The following MUC5B variants were observed in gnomAD, a reference collection of about 807,000 sequenced individuals.
MUC5B encodes the protein mucin 5B, oligomeric mucus/gel-forming, also known as mucin-5B.
In MUC5B, 116 loss-of-function variants were observed where a neutral mutation model predicts 376.9. The ratio of observed to expected loss-of-function variants is 0.31; its 90% confidence interval spans 0.26 to 0.36. The LOEUF (loss-of-function observed/expected upper bound fraction) is 0.36. Among genes scored for constraint, MUC5B ranks in the 10% least tolerant of loss-of-function variants. MUC5B has a pLI of 1.00. For synonymous variants in MUC5B, 3,517 were observed against 3,390.9 expected, an observed-to-expected ratio of 1.04 and a Z score of -1.29; for missense variants, 7,165 against 7,769.9, an observed-to-expected ratio of 0.92 and a Z score of 2.93.
rs367866719 is a variant in MUC5B at position 1,248,348 on chromosome 11, C to T, written c.11468C>T (p.Thr3823Ile). Residue 3823 changes from threonine (T) to isoleucine (I), a missense_variant, in exon 31 of 49, where the codon ACA becomes ATA. By Grantham distance (89) the Thr-to-Ile change is moderately conservative. Around this residue, in one of 31 missense-constraint regions of MUC5B, gnomAD observed 242 missense variants for 199.0 expected, o/e 1.22. Coordinates refer to ENST00000529681, the MANE Select transcript of MUC5B (RefSeq NM_002458.3). ...TTPTATMSTA[T>I]PSSTPETAHT... ...CCCACGGCCACCATGTCCACAGCCA[C>T]ACCCTCCTCCACTCCAGAGACTGCC... The T allele has an allele frequency of 2.5e-6, 4 of 1,612,654 alleles. No individual in the cohort carries two copies. In the South Asian group the frequency reaches 4.4e-5, roughly 18 times the overall value.
rs1414974983 is a variant in MUC5B, at chr11:1,253,013, G to A, written c.15217+33G>A. 1.2e-6 allele frequency: 2 copies of A among 1,611,514 alleles called. No homozygotes were observed. Among genetic ancestry groups the A allele is most frequent in the South Asian group, 1.1e-5 (1 of 90,984 alleles). On this transcript the variant is annotated intron_variant, in intron 33 of 48. Transcript: ENST00000529681. The surrounding 1 kb of genome is among the most constrained non-coding windows in gnomAD (Gnocchi z 4.3). ...CGTCGGTGGCCGCGGGATTACCCCG[G>A]GGGCAGGTGGAGCAGAGTGCACCGT...
In MUC5B at chr11:1,233,251, C is replaced by T. The variant is rs373667485; in HGVS notation, c.2304C>T (p.His768=). Reference sequence around the variant, plus strand: ...TGCTGGCTCCTGGAGAGGTGGTGCACGACGAGGGCGCCGTGTGGTAAGGGT... The same window carrying T: ...TGCTGGCTCCTGGAGAGGTGGTGCATGACGAGGGCGCCGTGTGGTAAGGGT... ...GTVLAPGEVV[H]DEGAVCSCTG... The change falls in exon 18 of 49, where the codon CAC becomes CAT. Residue 768 remains histidine, a synonymous_variant. Coordinates refer to ENST00000529681, the MANE Select transcript of MUC5B (RefSeq NM_002458.3). The T allele has an allele frequency of 2.7e-5, 43 of 1,574,764 alleles. No homozygotes were observed. In the African/African-American group the frequency reaches 3.5e-4, roughly 13 times the overall value.
chr11:1,260,783 TG>T, intron 48 of MUC5B, 55 bp downstream of exon 48: 3 of 1,355,718 alleles, frequency 2.2e-6, no homozygotes, highest in Middle Eastern at 3.6e-4. Flanking sequence ...GGGTCCGCCC[TG>T]GCCCGTCAGC....
chr11:1,242,004 A>C lies in MUC5B; in HGVS notation c.5124A>C (p.Thr1708=), dbSNP rs56117556. 2 of 1,587,712 alleles carry C rather than the reference A, an allele frequency of 1.3e-6. No homozygotes were observed. Among genetic ancestry groups the C allele is most frequent in the Non-Finnish European group, 1.7e-6 (2 of 1,167,954 alleles). Residue 1708 remains threonine (T), a synonymous_variant, in exon 31 of 49, where the codon ACA becomes ACC. Coordinates refer to ENST00000529681, the MANE Select transcript of MUC5B (RefSeq NM_002458.3). ...CAGGGACGACGGGGAGCTTGGGCAC[A>C]TGGCGCCCCTCACAGCCACCCACGC... ...ALPGTTGSLG[T]WRPSQPPTLA...
intron 25 of MUC5B, 127 bp downstream of exon 25, chr11:1,237,291 A>C (rs906539190): frequency 2.6e-6 from 3 of 1,176,104 alleles, no homozygotes; most frequent in Non-Finnish European, 3.2e-6. Flanking sequence ...CACGGCACAC[A>C]GTCCTGGATG....
chr11:1,248,984 C>A lies in MUC5B; in HGVS notation c.12104C>A (p.Thr4035Asn). The change falls in exon 31 of 49, where the codon ACC becomes AAC. Residue 4035 changes from threonine (T) to asparagine (N), a missense_variant. Around this residue, in one of 31 missense-constraint regions of MUC5B, gnomAD observed 47 missense variants for 98.5 expected, o/e 0.48. Transcript: ENST00000529681. ...GCCTGGACTTCGGCCACCTCAGGCA[C>A]CTTGGGCACCACCCACATCACAGAG... ...RTAWTSATSG[T>N]LGTTHITEPS... The A allele has an allele frequency of 6.2e-7, 1 of 1,604,162 alleles. No individual in the cohort carries two copies. Among genetic ancestry groups the A allele is most frequent in the Non-Finnish European group, 8.5e-7 (1 of 1,175,714 alleles).
chr11:1,229,144 GC>G, intron 8 of MUC5B, 25 bp from the exon 9 acceptor site: 1 of 1,556,444 alleles, frequency 6.4e-7, no homozygotes. Context: ...CCTTCCCCTG[GC>G]CCAGCCCCAC....
chr11:1,257,368 G>T lies in MUC5B; in HGVS notation c.16269+97G>T. 1 of 882,212 alleles carries T rather than the reference G, an allele frequency of 1.1e-6. No individual in the cohort carries two copies. Among genetic ancestry groups the T allele is most frequent in the Non-Finnish European group, 1.9e-6 (1 of 522,794 alleles). The allele number at this position is 882,212 out of a possible 1,614,324, so 54.6% of individuals were successfully genotyped here. On this transcript the variant is annotated intron_variant, in intron 40 of 48. Transcript: ENST00000529681. This position sits in a 1 kb window ranked among gnomAD's most constrained non-coding sequence, Gnocchi z 8.9. Reference sequence around the variant, plus strand: ...CCATCCCACAGGGCAGCTGTGGGGCGCCCGAGTGTGACGTGGACGTGCCAG... The same window carrying T: ...CCATCCCACAGGGCAGCTGTGGGGCTCCCGAGTGTGACGTGGACGTGCCAG...
chr11:1,246,812 C>T lies in MUC5B; in HGVS notation c.9932C>T (p.Thr3311Ile), dbSNP rs1862487005. Reference sequence around the variant, plus strand: ...GCTCACACTACCAAAGTGCCGACTACCACAACCACGGGCTTCACAGCCACC... The same window carrying T: ...GCTCACACTACCAAAGTGCCGACTATCACAACCACGGGCTTCACAGCCACC... ...GTAHTTKVPT[T>I]TTTGFTATPS... The change falls in exon 31 of 49, where the codon ACC becomes ATC. Residue 3311 changes from threonine to isoleucine, a missense_variant. Coordinates refer to ENST00000529681, the MANE Select transcript of MUC5B (RefSeq NM_002458.3). 1 of 1,607,722 alleles carries T rather than the reference C, an allele frequency of 6.2e-7. No homozygotes were observed. The highest frequency in any genetic ancestry group is 8.5e-7 in the Non-Finnish European group (1 of 1,175,478).
At chr11:1,238,745 G>A in intron 25 of MUC5B, 126 bp from the exon 26 acceptor site, 2 of 1,054,616 alleles carry the variant, frequency 1.9e-6, no homozygotes, top group Non-Finnish European at 1.4e-6. Context: ...CAGGCCCCAG[G>A]AGCTCAGAGA....
intron 44 of MUC5B, chr11:1,259,409 G>T: frequency 2.0e-6 from 1 of 491,424 alleles, no homozygotes; most frequent in Non-Finnish European, 3.7e-6. Flanking sequence ...GGCTCCCTGG[G>T]GTTCTCTAGC....
Position 1,241,979 on chromosome 11 carries a change from C to G in MUC5B, c.5099C>G (p.Pro1700Arg), listed in dbSNP as rs537615978. 7.5e-6 allele frequency: 12 copies of G among 1,596,528 alleles called. No individual in the cohort carries two copies. Among genetic ancestry groups the G allele is most frequent in the African/African-American group, 1.3e-5 (1 of 74,482 alleles). ...TSTLPTRSAL[P>R]GTTGSLGTWR... Reference sequence around the variant, plus strand: ...ACCCTTCCAACACGCTCAGCCCTTCCAGGGACGACGGGGAGCTTGGGCACA... The same window carrying G: ...ACCCTTCCAACACGCTCAGCCCTTCGAGGGACGACGGGGAGCTTGGGCACA... Residue 1700 changes from proline (P) to arginine (R), a missense_variant, in exon 31 of 49, where the codon CCA becomes CGA. Pro to Arg is a moderately radical substitution (Grantham distance 103, BLOSUM62 -2). Coordinates refer to ENST00000529681, the MANE Select transcript of MUC5B (RefSeq NM_002458.3).
chr11:1,226,627 C>G lies in MUC5B; in HGVS notation c.212C>G (p.Ala71Gly). Residue 71 changes from alanine to glycine, a missense_variant, in exon 4 of 49, where the codon GCG becomes GGG. This residue lies in a region of MUC5B where 640 missense variants were observed against 733.0 expected (regional missense o/e 0.87). Transcript: ENST00000529681. The stretch of plus-strand genomic sequence containing the variant: ...GCGCTCCCCACAGCCCTGAACCCGG[C>G]GCACAATGGGCGGGTGTGCAGCACC... ...VFPSLSPLNP[A>G]HNGRVCSTWG... is the part of the protein sequence containing the mutation. The G allele has an allele frequency of 4.3e-6, 7 of 1,610,208 alleles. No homozygotes were observed. Among genetic ancestry groups the G allele is most frequent in the Non-Finnish European group, 5.9e-6 (7 of 1,178,840 alleles).
chr11:1,223,090 C>T lies in MUC5B; in HGVS notation c.-34C>T, dbSNP rs1377035652. The T allele has an allele frequency of 2.2e-5, 15 of 694,984 alleles. No individual in the cohort carries two copies. Among genetic ancestry groups the T allele is most frequent in the Non-Finnish European group, 3.4e-5 (13 of 380,442 alleles). The allele number at this position is 694,984 out of a possible 1,614,324, so 43.1% of individuals were successfully genotyped here. On this transcript the variant is annotated 5_prime_UTR_variant, in exon 1 of 49. Transcript: ENST00000529681. ...CACCCGGCCCGGCTCCCTCCCTGCC[C>T]GTCCCCGTCCCCCCACCCGTGCCAG...
rs577555918 is a variant in MUC5B at position 1,223,178 on chromosome 11, G to A, written c.55G>A (p.Val19Met). The A allele has an allele frequency of 2.7e-4, 189 of 711,046 alleles. 1 individual carries two copies. The highest frequency in any genetic ancestry group is 1.2e-3 in the Middle Eastern group (5 of 4,224). The allele number at this position is 711,046 out of a possible 1,614,324, so 44.0% of individuals were successfully genotyped here. ...TLVLALAAML[V>M]VPQAETQGPV... Reference sequence around the variant, plus strand: ...GGTGTTGGCTCTGGCGGCCATGCTCGTGGTGCCGCAGGCAGGTAAGAGCCC... The same window carrying A: ...GGTGTTGGCTCTGGCGGCCATGCTCATGGTGCCGCAGGCAGGTAAGAGCCC... Residue 19 changes from valine to methionine, a missense_variant, in exon 1 of 49, where the codon GTG becomes ATG. This residue lies in a region of MUC5B where 640 missense variants were observed against 733.0 expected (regional missense o/e 0.87). Transcript: ENST00000529681.
chr11:1,257,993 A>T lies in MUC5B; in HGVS notation c.16451-106A>T, dbSNP rs183562762. 8.5e-7 allele frequency: 1 copy of T among 1,176,118 alleles called. No individual in the cohort carries two copies. Among genetic ancestry groups the T allele is most frequent in the East Asian group, 2.6e-5 (1 of 38,924 alleles). The allele number at this position is 1,176,118 out of a possible 1,614,324, so 72.9% of individuals were successfully genotyped here. Reference sequence around the variant, plus strand: ...TGGAGGGAGCCCCCAGGGGCTGTGAAGCGGTCAGGTCCTCGGGGAAAAGCA... The same window carrying T: ...TGGAGGGAGCCCCCAGGGGCTGTGATGCGGTCAGGTCCTCGGGGAAAAGCA... On this transcript the variant is annotated intron_variant, in intron 41 of 48. Transcript: ENST00000529681. The surrounding 1 kb of genome is among the most constrained non-coding windows in gnomAD (Gnocchi z 8.9).
Position 1,242,145 on chromosome 11 carries a change from C to G in MUC5B, c.5265C>G (p.Thr1755=). 6.2e-7 allele frequency: 1 copy of G among 1,613,492 alleles called. No homozygotes were observed. Among genetic ancestry groups the G allele is most frequent in the South Asian group, 1.1e-5 (1 of 91,086 alleles). The change falls in exon 31 of 49, where the codon ACC becomes ACG. Residue 1755 remains threonine, a synonymous_variant. Coordinates refer to ENST00000529681, the MANE Select transcript of MUC5B (RefSeq NM_002458.3). The part of the protein sequence containing the change: ...LAPTLTSELS[T]SQAETSTPRT... ...CAACACTCACGAGCGAGCTGTCCAC[C>G]TCTCAGGCCGAGACCAGCACGCCCA...
rs777857263 is a variant in MUC5B at position 1,250,119 on chromosome 11, C to T, written c.13239C>T (p.Ser4413=). The T allele has an allele frequency of 6.3e-7, 1 of 1,594,132 alleles. No homozygotes were observed. The highest frequency in any genetic ancestry group is 1.3e-5 in the African/African-American group (1 of 74,292). The change falls in exon 31 of 49, where the codon TCC becomes TCT. Residue 4413 remains serine, a synonymous_variant. Transcript: ENST00000529681. The part of the protein sequence containing the change: ...AATGPTATPS[S]TPGTTWILTE... ...CTGGCCCCACGGCCACCCCGTCCTC[C>T]ACCCCAGGGACCACCTGGATCCTCA...
At position 1,248,205 on chromosome 11, in the gene MUC5B, T is replaced by C. The variant is rs1449216180; in HGVS notation, c.11325T>C (p.Thr3775=). 57 of 1,596,330 alleles carry C rather than the reference T, an allele frequency of 3.6e-5. 2 individuals carry two copies. The highest frequency in any genetic ancestry group is 4.7e-5 in the Non-Finnish European group (55 of 1,168,912). The change falls in exon 31 of 49, where the codon ACT becomes ACC. Residue 3775 remains threonine (T), a synonymous_variant. Transcript: ENST00000529681. Reference sequence around the variant, plus strand: ...CCACTCCCTTCTCCAGTCCAGGGACTGCAACCGCCCTTCCAGCACTGAGAA... The same window carrying C: ...CCACTCCCTTCTCCAGTCCAGGGACCGCAACCGCCCTTCCAGCACTGAGAA... ...SKATPFSSPG[T]ATALPALRST... is the part of the protein sequence containing the mutation.
Sources: gnomAD v4.1 joint callset for allele counts on GRCh38, gnomAD v4.1.1 for gene constraint, gnomAD v4.1.1 regional missense constraint, Gnocchi (gnomAD v3.1) non-coding constraint, MANE v1.5 for transcripts, NCBI Gene and HGNC (gene_info 2026-07-23, HGNC 2026-07-21) for gene names.